The following MBTD1 variants were observed in gnomAD, a reference collection of about 807,000 sequenced individuals.
MBTD1 encodes the protein mbt domain containing 1.
MBTD1 carries 24 observed loss-of-function variants against 87.8 expected under a neutral mutation model. The observed-to-expected ratio is 0.27, with a 90% CI of 0.20 to 0.38. MBTD1 has a LOEUF of 0.38. MBTD1 is among the 10% of genes least tolerant of loss of function. The pLI is 1.00. For missense variants in MBTD1, 436 were observed against 760.2 expected (o/e 0.57, Z 5.02); for synonymous variants, 237 against 248.6 (o/e 0.95, Z 0.44).
intron 2 of MBTD1, among the ~76,000 whole-genome samples, chr17:51,234,412 A>G (rs1402279984): frequency 6.6e-6 from 1 of 151,582 alleles, no homozygotes; most frequent in East Asian, 1.9e-4. Flanking sequence ...AAAAAAAAAA[A>G]AAAAAAAAAG....
intron 12 of MBTD1, among the ~76,000 whole-genome samples, chr17:51,198,026 T>C (rs2051238048): frequency 6.6e-6 from 1 of 152,190 alleles, no homozygotes; most frequent in South Asian, 2.1e-4. Context: ...CCTAAAGTTT[T>C]ATCATGAGTT....
At chr17:51,260,909 C>A (rs1340399480), upstream of MBTD1, 11 of 1,589,184 alleles carry the variant, frequency 6.9e-6, no homozygotes, top group East Asian at 4.7e-5. Context: ...GTTGCTGCGG[C>A]GTCTGCGAGG....
At chr17:51,189,004 T>C (rs2050678548) in intron 16 of MBTD1, among the ~76,000 whole-genome samples, 1 of 152,068 alleles carries the variant, frequency 6.6e-6, no homozygotes, top group Non-Finnish European at 1.5e-5. Flanking sequence ...GTGATCCGCC[T>C]GCCTCGGCCT....
chr17:51,226,286 CAG>C (rs1176329471), intron 2 of MBTD1, among the ~76,000 whole-genome samples: 1 of 150,742 alleles, frequency 6.6e-6, no homozygotes, highest in Non-Finnish European at 1.5e-5. Flanking sequence ...CCGAGGTGGT[CAG>C]AGGAGTTTGA....
At position 51,190,766 on chromosome 17, in the gene MBTD1, T is replaced by TAC. The variant is rs1485783900; in HGVS notation, c.1768+1436_1768+1437insGT. ...AAAAAAAAAAATATATATATATATA[T>TAC]ATATAACCTTATCTAAGAATGAAAT... is the stretch of plus-strand genomic sequence containing the variant. On this transcript the variant is annotated intron_variant, in intron 16 of 16. Coordinates refer to ENST00000586178, the MANE Select transcript of MBTD1 (RefSeq NM_017643.3). Among the ~76,000 whole-genome samples the TAC allele has an allele frequency of 2.3e-4, 28 of 122,394 alleles. No homozygotes were observed. The East Asian group carries it at 2.6e-3, about 11-fold the overall frequency. 80.3% of individuals were successfully genotyped at this position (122,394 alleles called of 152,430 possible).
chr17:51,195,962 C>A (rs1411106756), intron 12 of MBTD1, among the ~76,000 whole-genome samples: 1 of 152,190 alleles, frequency 6.6e-6, no homozygotes, highest in African/African-American at 2.4e-5. Context: ...GGCTGGAGTG[C>A]AATGGTGCGA....
In MBTD1 at chr17:51,247,400, A is replaced by AT. The variant is rs1294334204; in HGVS notation, c.-49+11742dup. On this transcript the variant is annotated intron_variant, in intron 2 of 16. Transcript: ENST00000586178. The stretch of plus-strand genomic sequence containing the variant: ...TGTATGTGATAACTCTGTAATTTTC[A>AT]TTTTTTGAGCTATCTTGATCAGGCT... 2.1e-5 allele frequency among the ~76,000 whole-genome samples: 3 copies of AT among 144,732 alleles called. No individual in the cohort carries two copies. In the South Asian group the frequency reaches 6.4e-4, roughly 31 times the overall value. 94.9% of individuals were successfully genotyped at this position (144,732 alleles called of 152,430 possible).
chr17:51,211,503 TTA>T (rs2052213432), intron 6 of MBTD1, among the ~76,000 whole-genome samples: 1 of 97,184 alleles, frequency 1.0e-5, no homozygotes, highest in African/African-American at 4.2e-5. Flanking sequence ...GTGAGACTGT[TTA>T]AAAAAAAAAA....
intron 2 of MBTD1, among the ~76,000 whole-genome samples, chr17:51,246,887 G>A (rs1598428573): frequency 1.3e-5 from 2 of 151,946 alleles, no homozygotes; most frequent in East Asian, 1.9e-4. Flanking sequence ...TGATCCGCCC[G>A]CCTCAGCCTC....
intron 2 of MBTD1, among the ~76,000 whole-genome samples, chr17:51,249,303 CATTAT>C (rs1235442415): frequency 2.6e-5 from 4 of 152,100 alleles, no homozygotes; most frequent in African/African-American, 9.7e-5. Context: ...TGAAGATTCA[CATTAT>C]ATTATTTAGA....
In MBTD1 at chr17:51,192,773, C is replaced by A. The variant is rs117564084; in HGVS notation, c.1690+9G>T. Reference sequence around the variant, plus strand: ...TACAAAAGGACACCTTTTCTGTATACCAACTTACACTGTGATGCTGGAGGC... The same window carrying A: ...TACAAAAGGACACCTTTTCTGTATAACAACTTACACTGTGATGCTGGAGGC... On this transcript the variant is annotated intron_variant, in intron 15 of 16. Coordinates refer to ENST00000586178, the MANE Select transcript of MBTD1 (RefSeq NM_017643.3). 4,604 of 1,613,458 alleles carry A rather than the reference C, an allele frequency of 2.9e-3. 13 individuals are homozygous for A. The highest frequency in any genetic ancestry group is 6.4e-3 in the Middle Eastern group (39 of 6,056).
At chr17:51,245,090 C>T (rs1204112211) in intron 2 of MBTD1, among the ~76,000 whole-genome samples, 5 of 151,908 alleles carry the variant, frequency 3.3e-5, no homozygotes, top group African/African-American at 1.2e-4. Flanking sequence ...TTAGTAGAGG[C>T]GGGGTTTCAC....
At chr17:51,200,040 T>G (rs1190807980) in intron 12 of MBTD1, among the ~76,000 whole-genome samples, 1 of 152,190 alleles carries the variant, frequency 6.6e-6, no homozygotes. Flanking sequence ...TTAGCCAGGA[T>G]GGTCTTGATA....
rs377703519 is a variant in MBTD1 at position 51,203,860 on chromosome 17, T to C, written c.670A>G (p.Ile224Val). The C allele has an allele frequency of 3.7e-6, 6 of 1,613,634 alleles. No homozygotes were observed. In the African/African-American group the frequency reaches 4.0e-5, roughly 11 times the overall value. ...NDSGLDFWCN[I>V]CGSDIHPVGW... ...ACTGGATGGATATCAGAACCACATATATTGCACCAGAAGTCCAGACCAGAG... is the reference window on the plus strand; with the variant it reads ...ACTGGATGGATATCAGAACCACATACATTGCACCAGAAGTCCAGACCAGAG... The change falls in exon 8 of 17, where the codon ATA (isoleucine) becomes GTA (valine). Residue 224 changes from isoleucine to valine, a missense_variant. Physicochemically the swap from Ile to Val is conservative, Grantham distance 29 (BLOSUM62 3). Transcript: ENST00000586178.
In MBTD1 at chr17:51,178,037, C is replaced by T. The variant is rs1188538232; in HGVS notation, c.*2539G>A. ...TAACAGCTTTAGCTTTCCTCATACACGGCAAGGAAAAGGTTAAAGAGTTTA... is the reference window on the plus strand; with the variant it reads ...TAACAGCTTTAGCTTTCCTCATACATGGCAAGGAAAAGGTTAAAGAGTTTA... On this transcript the variant is annotated 3_prime_UTR_variant, in exon 17 of 17. Transcript: ENST00000586178. 3.9e-5 allele frequency: 6 copies of T among 152,022 alleles called. No individual in the cohort carries two copies. The highest frequency in any genetic ancestry group is 3.8e-4 in the East Asian group (2 of 5,198). 9.4% of individuals were successfully genotyped at this position (152,022 alleles called of 1,614,324 possible).
intron 12 of MBTD1, among the ~76,000 whole-genome samples, chr17:51,197,031 A>T (rs1393285187): frequency 1.0e-5 from 1 of 96,524 alleles, no homozygotes; most frequent in Non-Finnish European, 2.1e-5. Context: ...ATCTATTATT[A>T]TATATACAAG....
At chr17:51,190,750 A>AAAAAAAATAT (rs1555677185) in intron 16 of MBTD1, among the ~76,000 whole-genome samples, 1 of 39,712 alleles carries the variant, frequency 2.5e-5, no homozygotes, top group Non-Finnish European at 4.1e-5. Context: ...AAAAAAAAAA[A>AAAAAAAATAT]ATATATATAT....
chr17:51,192,521 C>T, intron 15 of MBTD1: 1 of 665,204 alleles, frequency 1.5e-6, no homozygotes, highest in Non-Finnish European at 2.5e-6. Context: ...ATTTTTAACT[C>T]ACTAAAATAG....
chr17:51,191,968 TA>T (rs2050838283), intron 16 of MBTD1: 1 of 497,232 alleles, frequency 2.0e-6, no homozygotes, highest in East Asian at 3.6e-5. Context: ...TCACAGACTC[TA>T]TTCTTTACCA....
Sources: allele counts gnomAD v4.1 joint callset (sites outside exome capture counted in the v4.1 genomes callset), GRCh38; gene constraint gnomAD v4.1.1; transcripts MANE v1.5; gene names NCBI Gene and HGNC (gene_info 2026-07-23, HGNC 2026-07-21).